FARS2: variants seen among roughly 807,000 people sequenced by gnomAD.
FARS2 encodes the protein phenylalanine--tRNA ligase, mitochondrial.
A neutral mutation model predicts 46.4 loss-of-function variants in FARS2; 40 were observed. The ratio of observed to expected loss-of-function variants is 0.86; its 90% CI spans 0.67 to 1.12. The LOEUF (loss-of-function observed/expected upper bound fraction) is 1.12. FARS2 is among the 50% of genes most tolerant of loss of function. FARS2 has a pLI of 0.00. For synonymous variants in FARS2, 234 were observed against 214.9 expected, an observed-to-expected ratio of 1.09 and a Z score of -0.78; for missense variants, 513 against 567.9, an observed-to-expected ratio of 0.90 and a Z score of 0.98.
At chr6:5,543,650 C>T (rs555375020) in intron 4 of FARS2, among the ~76,000 whole-genome samples, 6 of 152,188 alleles carry the variant, frequency 3.9e-5, no homozygotes, top group East Asian at 1.9e-4. Context: ...CGTGAGCCAC[C>T]GCTCCTGGCC....
At chr6:5,733,530 C>A (rs950951140) in intron 6 of FARS2, among the ~76,000 whole-genome samples, 1 of 152,202 alleles carries the variant, frequency 6.6e-6, no homozygotes, top group Non-Finnish European at 1.5e-5. Flanking sequence ...CATTTCATAG[C>A]CCCAGGTGGG....
At chr6:5,644,323 C>G in intron 6 of FARS2, among the ~76,000 whole-genome samples, 1 of 152,122 alleles carries the variant, frequency 6.6e-6, no homozygotes, top group East Asian at 1.9e-4. Flanking sequence ...AGTCATCCTC[C>G]CATGTCAGCC....
At chr6:5,342,699 C>T (rs1219513919) in intron 1 of FARS2, among the ~76,000 whole-genome samples, 6 of 151,622 alleles carry the variant, frequency 4.0e-5, no homozygotes, top group Admixed American at 1.3e-4. Flanking sequence ...TTGCAGTGAG[C>T]CGAGATCACG....
At chr6:5,357,244 TTAAA>T (rs1280861665) in intron 1 of FARS2, among the ~76,000 whole-genome samples, 8 of 152,318 alleles carry the variant, frequency 5.3e-5, no homozygotes, top group African/African-American at 1.9e-4. Context: ...TCACTGTGAG[TTAAA>T]TAAATGGTAT....
In FARS2 at chr6:5,716,763, T is replaced by G. The variant is rs572855529; in HGVS notation, c.1218-54528T>G. Among the ~76,000 whole-genome samples the G allele has an allele frequency of 2.2e-3, 337 of 152,322 alleles. 1 individual carries two copies. Among genetic ancestry groups the G allele is most frequent in the Middle Eastern group, 3.4e-3 (1 of 294 alleles). On this transcript the variant is annotated intron_variant, in intron 6 of 6. Coordinates refer to ENST00000274680, the MANE Select transcript of FARS2 (RefSeq NM_006567.5). ...TGTACCAACATCTACTGGCTTATTTTGAAGGATATAACAAAGGATACAGAT... is the reference window on the plus strand; with the variant it reads ...TGTACCAACATCTACTGGCTTATTTGGAAGGATATAACAAAGGATACAGAT...
intron 5 of FARS2, among the ~76,000 whole-genome samples, chr6:5,601,470 G>A (rs1329905405): frequency 6.8e-6 from 1 of 146,260 alleles, no homozygotes; most frequent in Non-Finnish European, 1.5e-5. Flanking sequence ...GTTGCGGTGA[G>A]CCAAGATCAC....
At chr6:5,451,977 G>A (rs442133) in intron 4 of FARS2, 109,793 of 152,176 alleles carry the variant, frequency 0.72, 39,942 homozygotes, top group East Asian at 0.91. Context: ...ATAGTTACAC[G>A]ATAGTTAACT....
chr6:5,611,847 C>T (rs1775206098), intron 5 of FARS2, among the ~76,000 whole-genome samples: 2 of 152,162 alleles, frequency 1.3e-5, no homozygotes, highest in African/African-American at 4.8e-5. Context: ...CATCAGAACT[C>T]AGGAAGTGTG....
At chr6:5,453,710 C>T (rs897685140) in intron 4 of FARS2, among the ~76,000 whole-genome samples, 1 of 152,206 alleles carries the variant, frequency 6.6e-6, no homozygotes, top group Non-Finnish European at 1.5e-5. Context: ...TCAATACTTG[C>T]AGCTCCTGTG....
At chr6:5,698,768 C>G (rs937233221) in intron 6 of FARS2, among the ~76,000 whole-genome samples, 4 of 152,118 alleles carry the variant, frequency 2.6e-5, no homozygotes, top group African/African-American at 9.7e-5. Flanking sequence ...GTTGCAGTAA[C>G]AAATCACCTG....
intron 1 of FARS2, among the ~76,000 whole-genome samples, chr6:5,362,681 CCT>C (rs1201483135): frequency 1.3e-5 from 2 of 152,116 alleles, no homozygotes; most frequent in Non-Finnish European, 2.9e-5. Flanking sequence ...TGGTTATACT[CCT>C]CTAAATTCCC....
chr6:5,314,485 G>C (rs1769307891), intron 1 of FARS2, among the ~76,000 whole-genome samples: 1 of 152,188 alleles, frequency 6.6e-6, no homozygotes, highest in African/African-American at 2.4e-5. Context: ...AGTTACACTA[G>C]TTTCTCCTTT....
chr6:5,657,268 G>A (rs1227394577), intron 6 of FARS2, among the ~76,000 whole-genome samples: 1 of 152,064 alleles, frequency 6.6e-6, no homozygotes, highest in African/African-American at 2.4e-5. Flanking sequence ...ACTGATCCTT[G>A]TATCTTTCAA....
rs546819813 is a variant in FARS2, at chr6:5,654,798, C to T, written c.1217+41478C>T. Among the ~76,000 whole-genome samples, 8 of 152,232 alleles carry T rather than the reference C, an allele frequency of 5.3e-5. No individual in the cohort carries two copies. The South Asian group carries it at 1.0e-3, about 20-fold the overall frequency. ...GCCCACTTATACGTGGATTTTCTTC[C>T]GCCTCTGCCACCCCTAAGACAGCAA... is the stretch of plus-strand genomic sequence containing the variant. On this transcript the variant is annotated intron_variant, in intron 6 of 6. Coordinates refer to ENST00000274680, the MANE Select transcript of FARS2 (RefSeq NM_006567.5).
chr6:5,501,587 C>T (rs1767803391), intron 4 of FARS2, among the ~76,000 whole-genome samples: 1 of 152,154 alleles, frequency 6.6e-6, no homozygotes, highest in Non-Finnish European at 1.5e-5. Flanking sequence ...ACCTCCACCT[C>T]CCGGTCTAGC....
Position 5,540,529 on chromosome 6 carries a change from C to G in FARS2, c.905-4651C>G, listed in dbSNP as rs979826748. ...GCTTTTCTCTGAGACATCATTCATT[C>G]GCACTGTCGTGTCTTCAGCTTTGTG... On this transcript the variant is annotated intron_variant, in intron 4 of 6. Transcript: ENST00000274680. Among the ~76,000 whole-genome samples the G allele has an allele frequency of 4.6e-5, 7 of 152,316 alleles. No individual in the cohort carries two copies. The East Asian group carries it at 1.4e-3, about 29-fold the overall frequency.
At chr6:5,706,047 T>C (rs1387856370) in intron 6 of FARS2, among the ~76,000 whole-genome samples, 1 of 152,156 alleles carries the variant, frequency 6.6e-6, no homozygotes, top group African/African-American at 2.4e-5. Context: ...GAAGACCATT[T>C]TTCCATGGAT....
intron 6 of FARS2, among the ~76,000 whole-genome samples, chr6:5,691,534 G>A (rs1757716163): frequency 6.6e-6 from 1 of 152,166 alleles, no homozygotes; most frequent in African/African-American, 2.4e-5. Flanking sequence ...GTTGCTGCCT[G>A]ATCGTTCCTC....
chr6:5,260,991 GCCCCGCCCCGATCCCGC>G (rs1164797762), upstream of FARS2: 1 of 1,110,780 alleles, frequency 9.0e-7, no homozygotes, highest in African/African-American at 1.7e-5. Flanking sequence ...AGATGCCTCC[GCCCCGCCCCGATCCCGC>G]CCCCGCCCGG....
Sources: allele counts gnomAD v4.1 joint callset (sites outside exome capture counted in the v4.1 genomes callset), GRCh38; gene constraint gnomAD v4.1.1; transcripts MANE v1.5; gene names NCBI Gene and HGNC (gene_info 2026-07-23, HGNC 2026-07-21).